The following TOGARAM2 variants were observed in gnomAD, a reference collection of about 807,000 sequenced individuals.
The protein encoded by TOGARAM2 is TOG array regulator of axonemal microtubules protein 2.
Under a neutral mutation model 93.3 loss-of-function variants are expected in TOGARAM2, and 85 were observed. That is an observed-to-expected ratio of 0.91 (90% CI 0.76 to 1.09). TOGARAM2 has a LOEUF of 1.09. TOGARAM2 is among the 50% of genes least tolerant of loss of function. The pLI is 0.00. For missense variants in TOGARAM2, 1,277 were observed against 1,334.5 expected, an observed-to-expected ratio of 0.96 and a Z score of 0.67; for synonymous variants, 593 against 552.8, an observed-to-expected ratio of 1.07 and a Z score of -1.02.
chr2:29,037,707 T>C (rs993916333), intron 18 of TOGARAM2, among the ~76,000 whole-genome samples: 1 of 152,208 alleles, frequency 6.6e-6, no homozygotes, highest in Non-Finnish European at 1.5e-5. Flanking sequence ...GGTCCCTCTC[T>C]GCCTCTTGAG....
intron 19 of TOGARAM2, chr2:29,048,845 AT>A (rs35220823): frequency 0.25 from 24,908 of 98,510 alleles, 3,396 homozygotes; most frequent in Admixed American, 0.35. Context: ...CACCCAGCTA[AT>A]TTTTTTTTTT....
At chr2:29,005,529 C>T (rs1673695280) in intron 6 of TOGARAM2, among the ~76,000 whole-genome samples, 1 of 132,412 alleles carries the variant, frequency 7.6e-6, no homozygotes, top group Non-Finnish European at 1.6e-5. Context: ...GTGTGTGAAG[C>T]CATGTGTGGT....
chr2:29,051,903 C>G lies in TOGARAM2; in HGVS notation c.2870C>G (p.Ser957Cys). ...GNIRGVVCRL[S>C]RSLQEHMGSR... The stretch of plus-strand genomic sequence containing the variant: ...ATCCGCGGGGTGGTGTGCCGGCTGT[C>G]CAGGAGCCTCCAGGAGCACATGGGC... Residue 957 changes from serine to cysteine, a missense_variant, in exon 20 of 20, where the codon TCC becomes TGC. Transcript: ENST00000379558. 6.3e-7 allele frequency: 1 copy of G among 1,585,972 alleles called. No individual in the cohort carries two copies. The highest frequency in any genetic ancestry group is 8.6e-7 in the Non-Finnish European group (1 of 1,166,642).
rs1671726702 is a variant in TOGARAM2 at position 28,956,948 on chromosome 2, A to T, written c.-147+251A>T. ...GAGACTAGCCTAGCCAACATGGCGA[A>T]CCCCTGTCTCTACTAAAAGTACAAA... On this transcript the variant is annotated intron_variant, in intron 1 of 6. Transcript: ENST00000401723. This position sits in a 1 kb window ranked among gnomAD's most constrained non-coding sequence, Gnocchi z 4.5. Among the ~76,000 whole-genome samples the T allele has an allele frequency of 6.6e-6, 1 of 151,910 alleles. No homozygotes were observed. Among genetic ancestry groups the T allele is most frequent in the Non-Finnish European group, 1.5e-5 (1 of 67,984 alleles).
chr2:28,974,169 C>T (rs1293896588), intron 1 of TOGARAM2, among the ~76,000 whole-genome samples: 1 of 145,676 alleles, frequency 6.9e-6, no homozygotes, highest in Admixed American at 7.0e-5. Flanking sequence ...TCTCTGTCAC[C>T]CAGGCTGGAG....
At chr2:28,973,572 G>A (rs540868685) in intron 1 of TOGARAM2, among the ~76,000 whole-genome samples, 1 of 150,754 alleles carries the variant, frequency 6.6e-6, no homozygotes, top group African/African-American at 2.4e-5. Context: ...ACCCAAGCTG[G>A]AGTGCAGTGG....
intron 17 of TOGARAM2, 122 bp downstream of exon 17, chr2:29,035,778 T>C: frequency 1.0e-6 from 1 of 993,180 alleles, no homozygotes; most frequent in Non-Finnish European, 1.3e-6. Context: ...TTGGCCTTTG[T>C]AACATGGAGA....
At chr2:28,979,277 C>T (rs925607586), upstream of TOGARAM2, among the ~76,000 whole-genome samples, 6 of 152,230 alleles carry the variant, frequency 3.9e-5, no homozygotes, top group African/African-American at 1.4e-4. Flanking sequence ...CTGGGATTCG[C>T]TCTCTGTCCA....
At chr2:28,984,164 G>A (rs909948262) in intron 1 of TOGARAM2, among the ~76,000 whole-genome samples, 14 of 151,798 alleles carry the variant, frequency 9.2e-5, no homozygotes, top group African/African-American at 3.1e-4. Context: ...TTCCCATTTC[G>A]TGTTTTAAAA....
chr2:28,971,253 C>T (rs1012388528), intron 1 of TOGARAM2: 1 of 152,106 alleles, frequency 6.6e-6, no homozygotes, highest in African/African-American at 2.4e-5. Flanking sequence ...GCTCTGTTGC[C>T]CAGGCTAGAG....
intron 7 of TOGARAM2, among the ~76,000 whole-genome samples, chr2:29,013,040 C>T (rs1664346255): frequency 1.3e-5 from 2 of 152,216 alleles, no homozygotes; most frequent in South Asian, 4.1e-4. Flanking sequence ...AGGTAAGATG[C>T]CTTTTCCAGC....
At chr2:28,958,852 A>G (rs1012076783) in intron 1 of TOGARAM2, among the ~76,000 whole-genome samples, 2 of 152,186 alleles carry the variant, frequency 1.3e-5, no homozygotes, top group Admixed American at 1.3e-4. Context: ...GCCTTCTGGG[A>G]GAGCAGTTGG....
chr2:28,999,696 C>T (rs558105962), intron 4 of TOGARAM2, among the ~76,000 whole-genome samples: 2 of 152,246 alleles, frequency 1.3e-5, no homozygotes, highest in Non-Finnish European at 2.9e-5. Context: ...TCATTCCCAC[C>T]CTTGCGCCTT....
chr2:28,975,568 CTATT>C (rs1316339746), intron 1 of TOGARAM2, among the ~76,000 whole-genome samples: 1 of 152,106 alleles, frequency 6.6e-6, no homozygotes, highest in Non-Finnish European at 1.5e-5. Context: ...TTTATGATGA[CTATT>C]TAGAAATCCT....
At chr2:29,011,346 T>C (rs1664233290) in intron 6 of TOGARAM2, 109 bp from the exon 7 acceptor site, 1 of 884,110 alleles carries the variant, frequency 1.1e-6, no homozygotes, top group Non-Finnish European at 1.8e-6. Flanking sequence ...CCGTCCCCTC[T>C]GTCCCCCATC....
chr2:28,962,736 C>A (rs1671817790), intron 1 of TOGARAM2, among the ~76,000 whole-genome samples: 1 of 149,890 alleles, frequency 6.7e-6, no homozygotes, highest in Non-Finnish European at 1.5e-5. Context: ...TCTCTGTCTC[C>A]CTTTCCCTTC....
chr2:29,010,971 C>T (rs1234036194), intron 6 of TOGARAM2, among the ~76,000 whole-genome samples: 2 of 152,134 alleles, frequency 1.3e-5, no homozygotes, highest in Non-Finnish European at 2.9e-5. Flanking sequence ...AGCTCCGCCC[C>T]CCAGGCCCTG....
rs1667086774 is a variant in TOGARAM2, at chr2:29,051,823, G to A, written c.2790G>A (p.Trp930Ter). Reference sequence around the variant, plus strand: ...AGCGGCATGTCCTTCCCATCCTCTGGCACTTCCTGAACACCGCCACCAGGA... The same window carrying A: ...AGCGGCATGTCCTTCCCATCCTCTGACACTTCCTGAACACCGCCACCAGGA... ...AVERHVLPIL[W>*]HFLNTATRNG... The change falls in exon 20 of 20, where the codon TGG becomes TGA. Residue 930 changes from tryptophan to a stop codon, truncating the protein, a stop_gained. Transcript: ENST00000379558. LOFTEE classifies it low-confidence loss of function (END_TRUNC). 1 of 1,563,738 alleles carries A rather than the reference G, an allele frequency of 6.4e-7. No individual in the cohort carries two copies. Among genetic ancestry groups the A allele is most frequent in the Non-Finnish European group, 8.7e-7 (1 of 1,153,768 alleles).
Position 29,024,120 on chromosome 2 carries a change from C to A in TOGARAM2, c.1618-19C>A. 1.3e-6 allele frequency: 2 copies of A among 1,553,248 alleles called. No homozygotes were observed. The highest frequency in any genetic ancestry group is 1.7e-6 in the Non-Finnish European group (2 of 1,147,106). On this transcript the variant is annotated intron_variant, in intron 12 of 19. Transcript: ENST00000379558. ...TGGCAGGGTCCAGCACCCTGGAGGGCCTCTCTCCTCTCTCCAAGGTCACCA... is the reference window on the plus strand; with the variant it reads ...TGGCAGGGTCCAGCACCCTGGAGGGACTCTCTCCTCTCTCCAAGGTCACCA...
Sources: gnomAD v4.1 joint callset for allele counts (sites outside exome capture counted in the v4.1 genomes callset) on GRCh38, gnomAD v4.1.1 for gene constraint, Gnocchi (gnomAD v3.1) non-coding constraint, MANE v1.5 for transcripts, NCBI Gene and HGNC (gene_info 2026-07-23, HGNC 2026-07-21) for gene names.